Variants in LGR4 observed in about 807,000 individuals in gnomAD.
LGR4 encodes the protein leucine-rich repeat-containing G protein-coupled receptor 4.
LGR4 carries 44 observed loss-of-function variants against 84.8 expected under a neutral mutation model. The observed-to-expected ratio is 0.52, with a 90% CI of 0.41 to 0.67. LGR4 has a LOEUF of 0.67. LGR4 is among the 30% of genes least tolerant of loss of function. LGR4 has a pLI of 0.00. For missense variants in LGR4, 1,032 were observed against 1,131.4 expected, an observed-to-expected ratio of 0.91 and a Z score of 1.26; for synonymous variants, 429 against 434.3, an observed-to-expected ratio of 0.99 and a Z score of 0.15.
Position 27,368,113 on chromosome 11 carries a change from T to C in LGR4, c.2610A>G (p.Val870=), listed in dbSNP as rs1565066734. The C allele has an allele frequency of 6.2e-7, 1 of 1,614,188 alleles. No individual in the cohort carries two copies. The highest frequency in any genetic ancestry group is 8.5e-7 in the Non-Finnish European group (1 of 1,180,032). ...GTGATTTTATCAAGTGTTTGCATGATACTGGCTTTGTTAAAAGAAACGATT... is the reference window on the plus strand; with the variant it reads ...GTGATTTTATCAAGTGTTTGCATGACACTGGCTTTGTTAAAAGAAACGATT... ...CCESFLLTKP[V]SCKHLIKSHS... The change falls in exon 18 of 18, where the codon GTA becomes GTG. Residue 870 remains valine (V), a synonymous_variant. Transcript: ENST00000379214.
rs1864433520 is a variant in LGR4, at chr11:27,448,652, T to TCACAATCCAAATTATTTTGTC, written c.185+23445_185+23465dup. 1.1e-4 allele frequency among the ~76,000 whole-genome samples: 16 copies of TCACAATCCAAATTATTTTGTC among 152,350 alleles called. No homozygotes were observed. In the South Asian group the frequency reaches 3.1e-3, roughly 30 times the overall value. The stretch of plus-strand genomic sequence containing the variant: ...CAAAATGATTTTGCTGTACATTTGT[T>TCACAATCCAAATTATTTTGTC]CACAATCCAAATTATTTTGTCATGA... On this transcript the variant is annotated intron_variant, in intron 1 of 17. Transcript: ENST00000379214.
chr11:27,395,498 A>G (rs1454649557), intron 2 of LGR4, among the ~76,000 whole-genome samples: 1 of 152,216 alleles, frequency 6.6e-6, no homozygotes, highest in Non-Finnish European at 1.5e-5. Context: ...CGTTTTATAA[A>G]CCATGAGAAA....
At chr11:27,441,988 T>G (rs1412389048) in intron 1 of LGR4, among the ~76,000 whole-genome samples, 3 of 152,076 alleles carry the variant, frequency 2.0e-5, no homozygotes, top group African/African-American at 7.2e-5. Context: ...GATTGTGAGT[T>G]AAGATGAAAG....
chr11:27,385,150 G>A, intron 5 of LGR4, 103 bp downstream of exon 5: 2 of 785,072 alleles, frequency 2.5e-6, no homozygotes, highest in East Asian at 2.6e-5. Flanking sequence ...AACTACTCAG[G>A]AGCATATTCA....
intron 4 of LGR4, among the ~76,000 whole-genome samples, chr11:27,386,930 C>T (rs1199950829): frequency 6.6e-6 from 1 of 152,170 alleles, no homozygotes; most frequent in South Asian, 2.1e-4. Context: ...ACATAACAGA[C>T]TGGCCAAGTA....
intron 2 of LGR4, among the ~76,000 whole-genome samples, chr11:27,402,980 C>A (rs1187000757): frequency 2.6e-5 from 4 of 152,154 alleles, no homozygotes; most frequent in African/African-American, 7.2e-5. Context: ...CACCAGGCTG[C>A]AGATTTCATA....
At chr11:27,436,718 G>A (rs919884088) in intron 1 of LGR4, among the ~76,000 whole-genome samples, 1 of 152,122 alleles carries the variant, frequency 6.6e-6, no homozygotes. Flanking sequence ...TTTACAACAT[G>A]GCAATAAAAA....
chr11:27,397,124 C>T (rs563811278), intron 2 of LGR4, among the ~76,000 whole-genome samples: 93 of 152,258 alleles, frequency 6.1e-4, no homozygotes, highest in Non-Finnish European at 1.3e-3. Flanking sequence ...AACTAAGCAC[C>T]GTTATTACAT....
In LGR4 at chr11:27,392,482, T is replaced by C. The variant is rs750548862; in HGVS notation, c.294A>G (p.Pro98=). ...GTTCTTTCAACCCAGACAAGGCCTT[T>C]GGGTGGATAAAAGAAAGGTCGTTGC... is the stretch of plus-strand genomic sequence containing the variant. ...LAGNDLSFIH[P]KALSGLKELK... is the part of the protein sequence containing the mutation. The change falls in exon 3 of 18, where the codon CCA becomes CCG. Residue 98 remains proline (P), a synonymous_variant. Coordinates refer to ENST00000379214, the MANE Select transcript of LGR4 (RefSeq NM_018490.5). 1.9e-6 allele frequency: 3 copies of C among 1,590,206 alleles called. No individual in the cohort carries two copies. In the South Asian group the frequency reaches 3.5e-5, roughly 19 times the overall value.
chr11:27,429,075 G>A (rs891201750), intron 1 of LGR4, among the ~76,000 whole-genome samples: 59 of 152,264 alleles, frequency 3.9e-4, no homozygotes, highest in African/African-American at 1.3e-3. Context: ...AAAGGTGAGG[G>A]AGTGGGCAAC....
At chr11:27,376,057 A>G (rs1301157752) in intron 13 of LGR4, among the ~76,000 whole-genome samples, 1 of 151,614 alleles carries the variant, frequency 6.6e-6, no homozygotes, top group African/African-American at 2.4e-5. Flanking sequence ...GCTCACTGCA[A>G]TCTCCACCTC....
Position 27,376,300 on chromosome 11 carries a change from G to A in LGR4, c.1180C>T (p.Leu394=), listed in dbSNP as rs1590344632. The A allele has an allele frequency of 3.2e-6, 5 of 1,554,064 alleles. No individual in the cohort carries two copies. Among genetic ancestry groups the A allele is most frequent in the Non-Finnish European group, 3.5e-6 (4 of 1,134,854 alleles). Residue 394 remains leucine, a splice_region_variant and synonymous_variant, in exon 13 of 18, where the codon CTA becomes TTA. Transcript: ENST00000379214. ...TTTAATAATCATAGACAAACTTACA[G>A]AATCCTTAGAGATATCAGGCCTTGA... ...TFQGLISLRI[L]DLSRNLIHEI... is the part of the protein sequence containing the mutation.
intron 17 of LGR4, among the ~76,000 whole-genome samples, chr11:27,371,377 A>G (rs576082278): frequency 3.3e-5 from 5 of 152,304 alleles, no homozygotes; most frequent in African/African-American, 1.2e-4. Context: ...AACGTGTACA[A>G]CCTTCACCTG....
chr11:27,391,965 C>G (rs1356967269), intron 3 of LGR4, among the ~76,000 whole-genome samples: 5 of 152,148 alleles, frequency 3.3e-5, no homozygotes, highest in Non-Finnish European at 7.4e-5. Context: ...CTGCCATACT[C>G]CAGGCTCCTG....
At position 27,370,327 on chromosome 11, in the gene LGR4, T is replaced by A. The variant is rs148095662; in HGVS notation, c.1580-1184A>T. ...GGAAGTGCTAAGAGAAAGCTCGTTA[T>A]CACCTTTATCTCTGTTATCTAAACT... On this transcript the variant is annotated intron_variant, in intron 17 of 17. Coordinates refer to ENST00000379214, the MANE Select transcript of LGR4 (RefSeq NM_018490.5). Among the ~76,000 whole-genome samples, 239 of 152,354 alleles carry A rather than the reference T, an allele frequency of 1.6e-3. 1 individual carries two copies. The highest frequency in any genetic ancestry group is 5.4e-3 in the African/African-American group (225 of 41,586).
chr11:27,446,551 A>T (rs1864393531), intron 1 of LGR4, among the ~76,000 whole-genome samples: 1 of 152,172 alleles, frequency 6.6e-6, no homozygotes, highest in Non-Finnish European at 1.5e-5. Context: ...GCTGGAGAGG[A>T]TGTGGAGAAA....
intron 1 of LGR4, 57 bp downstream of exon 1, chr11:27,472,060 GC>G (rs892371757): frequency 2.6e-6 from 3 of 1,176,238 alleles, no homozygotes; most frequent in Non-Finnish European, 2.1e-6. Flanking sequence ...GCCCCGCGGC[GC>G]CCCCCGCTGG....
chr11:27,452,972 C>T (rs536793063), intron 1 of LGR4, among the ~76,000 whole-genome samples: 4 of 151,980 alleles, frequency 2.6e-5, no homozygotes, highest in Non-Finnish European at 5.9e-5. Context: ...TGACTTCAAA[C>T]CTTTTTATGT....
chr11:27,456,961 A>C (rs1270072719), intron 1 of LGR4, among the ~76,000 whole-genome samples: 1 of 151,892 alleles, frequency 6.6e-6, no homozygotes, highest in Non-Finnish European at 1.5e-5. Context: ...TTTTTCCTGT[A>C]ATAACCTGTA....
Sources: gnomAD v4.1 joint callset for allele counts (sites outside exome capture counted in the v4.1 genomes callset) on GRCh38, gnomAD v4.1.1 for gene constraint, MANE v1.5 for transcripts, NCBI Gene and HGNC (gene_info 2026-07-23, HGNC 2026-07-21) for gene names.